The following XRCC4 variants were observed in gnomAD, a reference collection of about 807,000 sequenced individuals.
XRCC4 encodes the protein X-ray repair cross complementing 4, also known as DNA repair protein XRCC4.
Under a neutral mutation model 39.1 loss-of-function variants are expected in XRCC4, and 28 were observed. The ratio of observed to expected loss-of-function variants is 0.72; its 90% CI spans 0.53 to 0.98. The LOEUF (loss-of-function observed/expected upper bound fraction) is 0.98. Among genes scored for constraint, XRCC4 ranks in the 50% least tolerant of loss-of-function variants. The pLI, the probability that XRCC4 is intolerant of heterozygous loss-of-function variation, is 0.00. For missense variants in XRCC4, 350 were observed against 376.4 expected, an observed-to-expected ratio of 0.93 and a Z score of 0.58; for synonymous variants, 123 against 126.4, an observed-to-expected ratio of 0.97 and a Z score of 0.18.
chr5:83,263,303 A>G (rs1029971089), intron 7 of XRCC4, among the ~76,000 whole-genome samples: 2 of 151,918 alleles, frequency 1.3e-5, no homozygotes, highest in African/African-American at 4.8e-5. Context: ...CGCAGTAAAC[A>G]TACATGTGCA....
intron 6 of XRCC4, among the ~76,000 whole-genome samples, chr5:83,217,742 TC>T (rs1386258380): frequency 6.6e-6 from 1 of 152,154 alleles, no homozygotes; most frequent in Non-Finnish European, 1.5e-5. Flanking sequence ...CTGCCTTCCC[TC>T]CTGCCCTTTC....
chr5:83,104,624 A>G (rs1387181223), intron 1 of XRCC4, among the ~76,000 whole-genome samples: 1 of 152,086 alleles, frequency 6.6e-6, no homozygotes, highest in Non-Finnish European at 1.5e-5. Context: ...AGCTGAGATG[A>G]TAATTTTTAT....
intron 3 of XRCC4, among the ~76,000 whole-genome samples, chr5:83,162,995 GC>G (rs1749293291): frequency 7.0e-6 from 1 of 143,770 alleles, no homozygotes; most frequent in Non-Finnish European, 1.5e-5. Flanking sequence ...TGTCCCCCAG[GC>G]TGGAGTGCAG....
At chr5:83,366,900 G>T in the XRCC4 span, among the ~76,000 whole-genome samples, 1 of 152,074 alleles carries the variant, frequency 6.6e-6, no homozygotes, top group Admixed American at 6.6e-5. Context: ...TATCACAGAA[G>T]TATTTTCCTT....
At chr5:83,253,700 GA>G (rs1219827817) in intron 6 of XRCC4, among the ~76,000 whole-genome samples, 1 of 152,104 alleles carries the variant, frequency 6.6e-6, no homozygotes, top group Non-Finnish European at 1.5e-5. Flanking sequence ...TTATAAACCT[GA>G]AAAATGATTT....
intron 6 of XRCC4, among the ~76,000 whole-genome samples, chr5:83,250,742 CT>C (rs1457178912): frequency 1.7e-4 from 26 of 152,256 alleles, no homozygotes; most frequent in Non-Finnish European, 2.2e-4. Flanking sequence ...TTAATTTTCT[CT>C]TTTGGAAAAT....
chr5:83,142,943 A>G (rs1189562488), intron 3 of XRCC4, among the ~76,000 whole-genome samples: 1 of 152,172 alleles, frequency 6.6e-6, no homozygotes, highest in Non-Finnish European at 1.5e-5. Context: ...ATATTTCTTA[A>G]TGGGGTTGCT....
chr5:83,185,425 TA>T (rs1160109860), intron 3 of XRCC4, among the ~76,000 whole-genome samples: 3 of 49,112 alleles, frequency 6.1e-5, no homozygotes, highest in Non-Finnish European at 1.4e-4. Flanking sequence ...GTATGTATTA[TA>T]TATATATATA....
downstream of XRCC4, among the ~76,000 whole-genome samples, chr5:83,357,642 T>C (rs1434764754): frequency 6.6e-6 from 1 of 152,198 alleles, no homozygotes; most frequent in Non-Finnish European, 1.5e-5. Context: ...ATTTTAGTAG[T>C]GTGAACAGTG....
At chr5:83,353,011 T>A in intron 7 of XRCC4, 120 bp from the exon 8 acceptor site, 1 of 780,892 alleles carries the variant, frequency 1.3e-6, no homozygotes, top group Non-Finnish European at 2.0e-6. Context: ...GAAATAAATC[T>A]CTAAACCAAT....
chr5:83,084,396 T>C (rs974808633), intron 1 of XRCC4, among the ~76,000 whole-genome samples: 3 of 152,208 alleles, frequency 2.0e-5, no homozygotes, highest in Admixed American at 1.3e-4. Flanking sequence ...CAGGGTTCAA[T>C]TGCAGACAGC....
chr5:83,243,127 G>A (rs924682665), intron 6 of XRCC4, among the ~76,000 whole-genome samples: 2 of 152,150 alleles, frequency 1.3e-5, no homozygotes, highest in Non-Finnish European at 2.9e-5. Context: ...GTTGGTAAAT[G>A]TTCTGACTAC....
At chr5:83,236,885 A>T (rs1752711824) in intron 6 of XRCC4, among the ~76,000 whole-genome samples, 1 of 152,116 alleles carries the variant, frequency 6.6e-6, no homozygotes, top group Admixed American at 6.5e-5. Context: ...AAAAAAATCC[A>T]TTTTAAAAAC....
At chr5:83,360,774 G>A in the XRCC4 span, among the ~76,000 whole-genome samples, 59 of 151,646 alleles carry the variant, frequency 3.9e-4, no homozygotes, top group Admixed American at 1.4e-3. Context: ...CCGTCCAGCT[G>A]AGCCCAGTCT....
At chr5:83,129,688 C>T (rs187195144) in intron 3 of XRCC4, among the ~76,000 whole-genome samples, 2 of 152,132 alleles carry the variant, frequency 1.3e-5, no homozygotes, top group Admixed American at 6.5e-5. Flanking sequence ...AGAGGTCCTT[C>T]GCATCCCTTG....
At chr5:83,365,356 G>A in the XRCC4 span, among the ~76,000 whole-genome samples, 4 of 152,052 alleles carry the variant, frequency 2.6e-5, no homozygotes, top group Non-Finnish European at 2.9e-5. Context: ...GCTTAATTTC[G>A]GTCATCACTT....
intron 7 of XRCC4, among the ~76,000 whole-genome samples, chr5:83,271,336 C>T (rs900884956): frequency 9.2e-5 from 14 of 152,106 alleles, no homozygotes; most frequent in Admixed American, 2.0e-4. Context: ...ACTAATTATA[C>T]GCCCATTTGA....
intron 1 of XRCC4, among the ~76,000 whole-genome samples, chr5:83,086,027 G>T (rs1036415639): frequency 6.6e-6 from 1 of 152,124 alleles, no homozygotes; most frequent in African/African-American, 2.4e-5. Context: ...TTCTTTGAAC[G>T]ACAGTCCTAA....
At chr5:83,223,085 T>C (rs1423806341) in intron 6 of XRCC4, among the ~76,000 whole-genome samples, 4 of 152,154 alleles carry the variant, frequency 2.6e-5, no homozygotes, top group Non-Finnish European at 5.9e-5. Context: ...GAGACTTGTT[T>C]TGTGGTCTAA....
Sources: gnomAD v4.1 joint callset for allele counts (sites outside exome capture counted in the v4.1 genomes callset) on GRCh38, gnomAD v4.1.1 for gene constraint, MANE v1.5 for transcripts, NCBI Gene and HGNC (gene_info 2026-07-23, HGNC 2026-07-21) for gene names.